The following CYP7B1 variants were observed in gnomAD, a reference collection of about 807,000 sequenced individuals.
CYP7B1 encodes cytochrome P450 family 7 subfamily B member 1.
In CYP7B1, 29 loss-of-function variants were observed where a neutral mutation model predicts 42.7. The observed-to-expected ratio is 0.68, with a 90% CI of 0.51 to 0.93. The LOEUF (loss-of-function observed/expected upper bound fraction) is 0.93, where lower values mean the gene tolerates loss of function less well. Among genes scored for constraint, CYP7B1 ranks in the 40% least tolerant of loss-of-function variants. The pLI, the probability that CYP7B1 is intolerant of heterozygous loss-of-function variation, is 0.00. For missense variants in CYP7B1, 655 were observed against 600.5 expected, an observed-to-expected ratio of 1.09 and a Z score of -0.95; for synonymous variants, 235 against 218.2, an observed-to-expected ratio of 1.08 and a Z score of -0.68.
chr8:64,767,374 A>G (rs1200074011), intron 1 of CYP7B1, among the ~76,000 whole-genome samples: 2 of 152,220 alleles, frequency 1.3e-5, no homozygotes, highest in African/African-American at 4.8e-5. Flanking sequence ...TGAAGCCAAA[A>G]GAGCCGCAAG....
chr8:64,657,439 C>T (rs959624740), intron 1 of CYP7B1, among the ~76,000 whole-genome samples: 2 of 152,090 alleles, frequency 1.3e-5, no homozygotes, highest in African/African-American at 2.4e-5. Context: ...GATGTTCTCC[C>T]GACATTCTTT....
intron 1 of CYP7B1, among the ~76,000 whole-genome samples, chr8:64,644,391 CAGA>C (rs762960453): frequency 2.0e-4 from 31 of 152,068 alleles, no homozygotes; most frequent in Non-Finnish European, 4.0e-4. Context: ...GAATCATTTC[CAGA>C]AGGTTTCCAA....
At chr8:64,666,294 G>C (rs2129631550) in intron 1 of CYP7B1, among the ~76,000 whole-genome samples, 1 of 152,284 alleles carries the variant, frequency 6.6e-6, no homozygotes, top group East Asian at 1.9e-4. Flanking sequence ...CCTACTCACT[G>C]TCCTTGGCAT....
chr8:64,779,364 A>G (rs1008480948), intron 1 of CYP7B1, among the ~76,000 whole-genome samples: 1 of 152,162 alleles, frequency 6.6e-6, no homozygotes, highest in African/African-American at 2.4e-5. Context: ...TCCTCTATGT[A>G]TAATAGGCTC....
chr8:64,622,781 G>C (rs1805550818), intron 2 of CYP7B1, among the ~76,000 whole-genome samples: 1 of 152,234 alleles, frequency 6.6e-6, no homozygotes, highest in East Asian at 1.9e-4. Flanking sequence ...TGGGGACAGG[G>C]AGATGGAGTG....
chr8:64,683,683 C>T (rs574238204), intron 1 of CYP7B1, among the ~76,000 whole-genome samples: 3 of 152,282 alleles, frequency 2.0e-5, no homozygotes, highest in East Asian at 1.9e-4. Context: ...TTAAACATTG[C>T]GTGTCTGCAT....
At chr8:64,678,811 G>A (rs924813277) in intron 1 of CYP7B1, among the ~76,000 whole-genome samples, 5 of 152,042 alleles carry the variant, frequency 3.3e-5, no homozygotes, top group Admixed American at 3.3e-4. Context: ...GAACTGTACA[G>A]GCCCTTCTTA....
chr8:64,666,713 T>C (rs1806285321), intron 1 of CYP7B1, among the ~76,000 whole-genome samples: 2 of 152,244 alleles, frequency 1.3e-5, no homozygotes, highest in Non-Finnish European at 1.5e-5. Flanking sequence ...TTCAATTATT[T>C]TGGATTTTTC....
intron 1 of CYP7B1, among the ~76,000 whole-genome samples, chr8:64,729,587 C>T (rs941751833): frequency 6.6e-6 from 1 of 152,064 alleles, no homozygotes; most frequent in African/African-American, 2.4e-5. Flanking sequence ...AATATTTATC[C>T]AGCATAGTGT....
chr8:64,722,548 T>A (rs1380612805), intron 1 of CYP7B1, among the ~76,000 whole-genome samples: 1 of 152,164 alleles, frequency 6.6e-6, no homozygotes, highest in East Asian at 1.9e-4. Context: ...TTGAAATTAG[T>A]GTGTGTCAAA....
chr8:64,796,791 G>A (rs148660978), intron 1 of CYP7B1, among the ~76,000 whole-genome samples: 13 of 152,194 alleles, frequency 8.5e-5, no homozygotes, highest in African/African-American at 1.9e-4. Context: ...ATTTCCCCAC[G>A]ATTTTTATTA....
chr8:64,758,843 G>T (rs1021757220), intron 1 of CYP7B1, among the ~76,000 whole-genome samples: 13 of 152,278 alleles, frequency 8.5e-5, no homozygotes, highest in African/African-American at 2.6e-4. Context: ...TATTTCAAAT[G>T]AAAAATTCTA....
chr8:64,714,790 A>G (rs1003822348), intron 1 of CYP7B1, among the ~76,000 whole-genome samples: 7 of 149,884 alleles, frequency 4.7e-5, no homozygotes, highest in Non-Finnish European at 8.9e-5. Flanking sequence ...ATTTTTTTTT[A>G]AAGGTAAAGA....
At chr8:64,633,430 A>G (rs1805726034) in intron 1 of CYP7B1, among the ~76,000 whole-genome samples, 1 of 152,232 alleles carries the variant, frequency 6.6e-6, no homozygotes, top group African/African-American at 2.4e-5. Flanking sequence ...ATTAATATAC[A>G]AAAGTCAATT....
At chr8:64,675,683 T>TACA (rs1330006443) in intron 1 of CYP7B1, among the ~76,000 whole-genome samples, 1 of 152,098 alleles carries the variant, frequency 6.6e-6, no homozygotes, top group Admixed American at 6.6e-5. Context: ...GTACATCAGG[T>TACA]ACAACACTGA....
chr8:64,608,543 C>T (rs1229573670), intron 4 of CYP7B1, among the ~76,000 whole-genome samples: 1 of 152,004 alleles, frequency 6.6e-6, no homozygotes, highest in African/African-American at 2.4e-5. Flanking sequence ...AAATGAACAG[C>T]CAGAACCTGC....
intron 1 of CYP7B1, among the ~76,000 whole-genome samples, chr8:64,758,255 T>A (rs778708922): frequency 6.6e-6 from 1 of 152,162 alleles, no homozygotes; most frequent in Non-Finnish European, 1.5e-5. Flanking sequence ...GTAACAAATG[T>A]CACTGGCTGA....
rs927481310 is a variant in CYP7B1 at position 64,787,840 on chromosome 8, T to TG, written c.122+10625dup. Among the ~76,000 whole-genome samples, 85 of 152,328 alleles carry TG rather than the reference T, an allele frequency of 5.6e-4. 1 individual carries two copies. Among genetic ancestry groups the TG allele is most frequent in the Admixed American group, 3.1e-3 (47 of 15,300 alleles). ...TAATTGACTAACAGTTCTGCATGGC[T>TG]GGGGGGCCTCAGGAAACTTACACAC... On this transcript the variant is annotated intron_variant, in intron 1 of 5. Coordinates refer to ENST00000310193, the MANE Select transcript of CYP7B1 (RefSeq NM_004820.5).
chr8:64,675,171 T>A (rs1230966508), intron 1 of CYP7B1, among the ~76,000 whole-genome samples: 1 of 152,098 alleles, frequency 6.6e-6, no homozygotes, highest in East Asian at 1.9e-4. Flanking sequence ...AAGTACAAGT[T>A]CTTAACTGTG....
Sources: gnomAD v4.1 joint callset for allele counts (sites outside exome capture counted in the v4.1 genomes callset) on GRCh38, gnomAD v4.1.1 for gene constraint, MANE v1.5 for transcripts, NCBI Gene and HGNC (gene_info 2026-07-23, HGNC 2026-07-21) for gene names.